Variants in CSGALNACT1 observed in about 807,000 individuals in gnomAD.
CSGALNACT1 encodes chondroitin sulfate N-acetylgalactosaminyltransferase 1, also known as beta4GalNAcT-1.
In CSGALNACT1, 52 loss-of-function variants were observed where a neutral mutation model predicts 51.0. The observed-to-expected ratio is 1.02, with a 90% CI of 0.82 to 1.29. The LOEUF (loss-of-function observed/expected upper bound fraction) is 1.29, where lower values mean the gene tolerates loss of function less well. Ranked by LOEUF, CSGALNACT1 falls within the 50% of genes most tolerant of loss-of-function variation. CSGALNACT1 has a pLI of 0.00. For missense variants in CSGALNACT1, 935 were observed against 679.2 expected (o/e 1.38, Z -4.19); for synonymous variants, 341 against 254.4 (o/e 1.34, Z -3.24).
intron 1 of CSGALNACT1, among the ~76,000 whole-genome samples, chr8:19,642,831 T>C (rs1464970433): frequency 6.6e-6 from 1 of 151,136 alleles, no homozygotes; most frequent in Non-Finnish European, 1.5e-5. Flanking sequence ...CAAAGGCTTA[T>C]TCAACAACAA....
At chr8:19,439,665 C>A (rs867917988) in intron 6 of CSGALNACT1, among the ~76,000 whole-genome samples, 165 bp downstream of exon 5, 2 of 152,186 alleles carry the variant, frequency 1.3e-5, no homozygotes, top group Non-Finnish European at 2.9e-5. Flanking sequence ...TAGTCTCCTG[C>A]GGAAGAGGAG....
intron 4 of CSGALNACT1, among the ~76,000 whole-genome samples, chr8:19,502,344 G>A (rs138033402): frequency 2.0e-5 from 3 of 152,168 alleles, no homozygotes; most frequent in African/African-American, 7.2e-5. Flanking sequence ...TCTTGTTGGT[G>A]GATTAGGAAA....
At chr8:19,664,504 A>G (rs185394647) in intron 1 of CSGALNACT1, among the ~76,000 whole-genome samples, 43 of 152,288 alleles carry the variant, frequency 2.8e-4, no homozygotes, top group African/African-American at 1.0e-3. Flanking sequence ...CAAAGGAAAA[A>G]TCATTACATT....
chr8:19,464,048 T>C (rs562726106), intron 4 of CSGALNACT1, among the ~76,000 whole-genome samples: 6 of 152,208 alleles, frequency 3.9e-5, no homozygotes, highest in Non-Finnish European at 7.3e-5. Flanking sequence ...CTGACATGCG[T>C]GCAGACGGGT....
intron 1 of CSGALNACT1, among the ~76,000 whole-genome samples, chr8:19,749,548 C>CA (rs2064900058): frequency 6.6e-6 from 1 of 152,172 alleles, no homozygotes; most frequent in South Asian, 2.1e-4. Context: ...CTACCACACA[C>CA]ATCTACCCTG....
At chr8:19,621,974 A>T (rs991965145) in intron 1 of CSGALNACT1, among the ~76,000 whole-genome samples, 4 of 152,154 alleles carry the variant, frequency 2.6e-5, no homozygotes, top group African/African-American at 9.7e-5. Flanking sequence ...CATTTTTCTT[A>T]AGCCTACACA....
At chr8:19,560,709 T>C (rs2154096589) in intron 3 of CSGALNACT1, among the ~76,000 whole-genome samples, 1 of 152,280 alleles carries the variant, frequency 6.6e-6, no homozygotes, top group South Asian at 2.1e-4. Context: ...AAACAAAGTA[T>C]GACACTACTA....
intron 5 of CSGALNACT1, among the ~76,000 whole-genome samples, chr8:19,450,713 T>A (rs1290607077): frequency 6.6e-6 from 1 of 151,990 alleles, no homozygotes; most frequent in Non-Finnish European, 1.5e-5. Flanking sequence ...GGTCAGGAGT[T>A]TGAAACCAGC....
At chr8:19,473,211 T>A (rs2068618032) in intron 4 of CSGALNACT1, among the ~76,000 whole-genome samples, 3 of 152,356 alleles carry the variant, frequency 2.0e-5, no homozygotes, top group Admixed American at 2.0e-4. Context: ...GCATATGTAA[T>A]ATTCGGGTCA....
intron 7 of CSGALNACT1, among the ~76,000 whole-genome samples, chr8:19,419,349 C>G (rs75316381): frequency 6.6e-6 from 1 of 152,154 alleles, no homozygotes; most frequent in South Asian, 2.1e-4. Flanking sequence ...GCCCCAGCCC[C>G]GCCAAACATT....
intron 1 of CSGALNACT1, among the ~76,000 whole-genome samples, chr8:19,633,206 G>A (rs985257302): frequency 3.9e-5 from 6 of 152,134 alleles, no homozygotes; most frequent in Non-Finnish European, 8.8e-5. Context: ...GGCTTCCCCA[G>A]GTCGTCGGTG....
At chr8:19,447,668 G>A (rs1333725734) in intron 5 of CSGALNACT1, among the ~76,000 whole-genome samples, 1 of 152,184 alleles carries the variant, frequency 6.6e-6, no homozygotes, top group Non-Finnish European at 1.5e-5. Flanking sequence ...CAGAGCAGGG[G>A]GAGGTGGGTG....
chr8:19,734,688 G>A (rs968400118), intron 1 of CSGALNACT1, among the ~76,000 whole-genome samples: 2 of 152,148 alleles, frequency 1.3e-5, no homozygotes, highest in Non-Finnish European at 2.9e-5. Context: ...TGTCTGAGAG[G>A]TCACAGAAAA....
upstream of CSGALNACT1, among the ~76,000 whole-genome samples, chr8:19,687,380 G>A (rs947830663): frequency 3.9e-5 from 6 of 152,122 alleles, no homozygotes; most frequent in Admixed American, 3.9e-4. Flanking sequence ...TTTAGAAAAA[G>A]AGTATAGCTG....
At chr8:19,751,501 T>C (rs752628558) in intron 1 of CSGALNACT1, among the ~76,000 whole-genome samples, 1 of 152,166 alleles carries the variant, frequency 6.6e-6, no homozygotes, top group Non-Finnish European at 1.5e-5. Flanking sequence ...ACCTGAATCC[T>C]CTGTTCCAGA....
intron 1 of CSGALNACT1, among the ~76,000 whole-genome samples, chr8:19,608,255 G>C (rs146359002): frequency 6.6e-5 from 10 of 152,256 alleles, no homozygotes; most frequent in African/African-American, 2.4e-4. Context: ...CACCTATACG[G>C]GGCAGCCCAA....
intron 1 of CSGALNACT1, among the ~76,000 whole-genome samples, chr8:19,655,059 C>G (rs2058139489): frequency 6.6e-6 from 1 of 152,006 alleles, no homozygotes; most frequent in Non-Finnish European, 1.5e-5. Flanking sequence ...AGTAATAAGC[C>G]AATAAATGTT....
At chr8:19,598,674 T>G (rs191252631) in intron 2 of CSGALNACT1, among the ~76,000 whole-genome samples, 1 of 152,306 alleles carries the variant, frequency 6.6e-6, no homozygotes, top group East Asian at 1.9e-4. Context: ...CAAACAGTTT[T>G]TACCCCCAGA....
At chr8:19,637,866 TAGA>T (rs1463395643) in intron 1 of CSGALNACT1, among the ~76,000 whole-genome samples, 4 of 144,600 alleles carry the variant, frequency 2.8e-5, no homozygotes, top group Non-Finnish European at 6.0e-5. Flanking sequence ...TAAACAAACA[TAGA>T]AGAAGTGAGT....
Sources: allele counts gnomAD v4.1 joint callset (sites outside exome capture counted in the v4.1 genomes callset), GRCh38; gene constraint gnomAD v4.1.1; transcripts MANE v1.5; gene names NCBI Gene and HGNC (gene_info 2026-07-23, HGNC 2026-07-21).